Variants in LRP1B observed in about 807,000 individuals in gnomAD.
LRP1B encodes the protein LDL receptor related protein 1B.
In LRP1B, 217 loss-of-function variants were observed where a neutral mutation model predicts 556.6. The observed-to-expected ratio is 0.39, with a 90% CI of 0.35 to 0.44. LRP1B has a LOEUF of 0.44. Ranked by LOEUF, LRP1B falls within the 20% of genes least tolerant of loss-of-function variation. LRP1B has a pLI of 1.00. For missense variants in LRP1B, 5,053 were observed against 5,620.8 expected (o/e 0.90, Z 3.23); for synonymous variants, 2,047 against 1,865.8 (o/e 1.10, Z -2.50).
chr2:141,895,040 C>A, intron 1 of LRP1B, among the ~76,000 whole-genome samples: 5 of 119,916 alleles, frequency 4.2e-5, no homozygotes, highest in Non-Finnish European at 6.8e-5. Flanking sequence ...AAGAATGAAA[C>A]TCCATCTCAA....
At chr2:141,179,798 A>G (rs903961593) in intron 7 of LRP1B, among the ~76,000 whole-genome samples, 2 of 151,814 alleles carry the variant, frequency 1.3e-5, no homozygotes, top group African/African-American at 4.8e-5. Context: ...CTGGGGCTCA[A>G]GGGAAAAATA....
intron 31 of LRP1B, among the ~76,000 whole-genome samples, chr2:140,814,171 G>T (rs764241145): frequency 6.6e-6 from 1 of 151,704 alleles, no homozygotes; most frequent in African/African-American, 2.4e-5. Flanking sequence ...AATAAAAGGG[G>T]CTCACTATTT....
At chr2:141,388,718 T>A (rs977262080) in intron 3 of LRP1B, among the ~76,000 whole-genome samples, 2 of 152,096 alleles carry the variant, frequency 1.3e-5, no homozygotes, top group African/African-American at 4.8e-5. Context: ...GAAGCATAAC[T>A]ATCTCTATTA....
intron 1 of LRP1B, among the ~76,000 whole-genome samples, chr2:141,840,517 A>G (rs904570065): frequency 6.6e-6 from 1 of 152,000 alleles, no homozygotes; most frequent in Non-Finnish European, 1.5e-5. Flanking sequence ...TCGGCCTCCC[A>G]AAGTGCTGGG....
chr2:141,971,176 GA>G (rs1393047556), intron 1 of LRP1B, among the ~76,000 whole-genome samples: 2 of 151,468 alleles, frequency 1.3e-5, no homozygotes, highest in African/African-American at 4.8e-5. Flanking sequence ...CCAATAAACT[GA>G]GCTATGTTGT....
intron 35 of LRP1B, among the ~76,000 whole-genome samples, chr2:140,749,359 T>C (rs1459679406): frequency 7.1e-6 from 1 of 140,460 alleles, no homozygotes; most frequent in Non-Finnish European, 1.6e-5. Context: ...ACTTTTTTCC[T>C]TTCTAAACTT....
intron 35 of LRP1B, among the ~76,000 whole-genome samples, chr2:140,731,686 T>C (rs1028192083): frequency 7.0e-6 from 1 of 143,030 alleles, no homozygotes; most frequent in South Asian, 2.1e-4. Context: ...GAGAATCACT[T>C]GAACCCGGGA....
At chr2:141,926,407 T>C (rs1700335143) in intron 1 of LRP1B, among the ~76,000 whole-genome samples, 1 of 152,180 alleles carries the variant, frequency 6.6e-6, no homozygotes, top group Non-Finnish European at 1.5e-5. Context: ...ATTGTATCCA[T>C]GAGCACAGCG....
At chr2:140,965,592 C>T (rs565105113) in intron 18 of LRP1B, among the ~76,000 whole-genome samples, 1 of 152,116 alleles carries the variant, frequency 6.6e-6, no homozygotes, top group African/African-American at 2.4e-5. Context: ...TTCTAGGGTA[C>T]ATTTGCACAA....
At chr2:141,032,826 C>CATATATATATATATATGTATATATAT (rs71391641) in intron 11 of LRP1B, among the ~76,000 whole-genome samples, 1 of 126,616 alleles carries the variant, frequency 7.9e-6, no homozygotes, top group African/African-American at 3.0e-5. Context: ...TATATACATA[C>CATATATATATATATATGTATATATAT]ATATATATAT....
chr2:141,491,426 A>T (rs149784341), intron 2 of LRP1B, among the ~76,000 whole-genome samples: 14 of 152,302 alleles, frequency 9.2e-5, no homozygotes, highest in Non-Finnish European at 1.8e-4. Flanking sequence ...ACAGAATAGA[A>T]GATAAGTATT....
chr2:140,945,647 G>A (rs1346181488), intron 20 of LRP1B, among the ~76,000 whole-genome samples: 1 of 152,036 alleles, frequency 6.6e-6, no homozygotes, highest in Non-Finnish European at 1.5e-5. Flanking sequence ...GGGAGCATTG[G>A]CTAACCATAT....
At position 141,217,086 on chromosome 2, in the gene LRP1B, G is replaced by A. The variant is rs140870212; in HGVS notation, c.850+12097C>T. On this transcript the variant is annotated intron_variant, in intron 6 of 90. Transcript: ENST00000389484. ...GAGAGACCAGGAGAGGAATGATGTAGTTCAAATATATGTCCCTACCAAATC... is the reference window on the plus strand; with the variant it reads ...GAGAGACCAGGAGAGGAATGATGTAATTCAAATATATGTCCCTACCAAATC... Among the ~76,000 whole-genome samples, 216 of 152,202 alleles carry A rather than the reference G, an allele frequency of 1.4e-3. 1 individual carries two copies. Among genetic ancestry groups the A allele is most frequent in the African/African-American group, 4.8e-3 (201 of 41,534 alleles).
intron 1 of LRP1B, among the ~76,000 whole-genome samples, chr2:141,824,451 C>A (rs1696857333): frequency 6.6e-6 from 1 of 152,158 alleles, no homozygotes; most frequent in South Asian, 2.1e-4. Flanking sequence ...GCTCCGCCTC[C>A]CAGGTTCACG....
At chr2:140,460,141 GA>G (rs1464967605) in intron 60 of LRP1B, among the ~76,000 whole-genome samples, 1 of 152,088 alleles carries the variant, frequency 6.6e-6, no homozygotes, top group East Asian at 1.9e-4. Context: ...AAGAGGGGTA[GA>G]AAAAAACTAG....
intron 41 of LRP1B, among the ~76,000 whole-genome samples, chr2:140,619,020 C>A (rs977541941): frequency 6.6e-6 from 1 of 151,466 alleles, no homozygotes. Context: ...GTTTTCGTAA[C>A]GTGACAAACA....
In LRP1B at chr2:141,818,771, C is replaced by T. The variant is rs373398033; in HGVS notation, c.83-8370G>A. On this transcript the variant is annotated intron_variant, in intron 1 of 90. Coordinates refer to ENST00000389484, the MANE Select transcript of LRP1B (RefSeq NM_018557.3). ...CAGGATGGTCTCGATCTCCTGACCT[C>T]GTGATCTGCCCGCCTTGGCCTCCCA... is the stretch of plus-strand genomic sequence containing the variant. Among the ~76,000 whole-genome samples, 29 of 151,106 alleles carry T rather than the reference C, an allele frequency of 1.9e-4. No individual in the cohort carries two copies. The East Asian group carries it at 2.0e-3, about 11-fold the overall frequency.
rs1230599565 is a variant in LRP1B, at chr2:140,456,527, A to T, written c.9891T>A (p.Thr3297=). The change falls in exon 62 of 91, where the codon ACT becomes ACA. Residue 3297 remains threonine, a synonymous_variant. Coordinates refer to ENST00000389484, the MANE Select transcript of LRP1B (RefSeq NM_018557.3). The stretch of plus-strand genomic sequence containing the variant: ...GATAGAAGTTAGTGGGACATGCACA[A>T]GTGTGGGTTTTTCCAGGGGCTAAAA... ...LCLLAPGKTH[T]CACPTNFYLA... The T allele has an allele frequency of 3.1e-6, 5 of 1,613,534 alleles. No individual in the cohort carries two copies. Among genetic ancestry groups the T allele is most frequent in the Non-Finnish European group, 4.2e-6 (5 of 1,179,624 alleles).
At chr2:140,358,468 T>C (rs1303673321) in intron 73 of LRP1B, among the ~76,000 whole-genome samples, 2 of 151,742 alleles carry the variant, frequency 1.3e-5, no homozygotes, top group Admixed American at 6.6e-5. Context: ...TAAAAACTTT[T>C]TGAACTTCGG....
Sources: allele counts gnomAD v4.1 joint callset (sites outside exome capture counted in the v4.1 genomes callset), GRCh38; gene constraint gnomAD v4.1.1; transcripts MANE v1.5; gene names NCBI Gene and HGNC (gene_info 2026-07-23, HGNC 2026-07-21).